The following ZFP28 variants were observed in gnomAD, a reference collection of about 807,000 sequenced individuals.
ZFP28 encodes ZFP28 zinc finger protein, also known as zinc finger protein 28 homolog.
In ZFP28, 31 loss-of-function variants were observed where a neutral mutation model predicts 39.5. That is an observed-to-expected ratio of 0.79 (90% CI 0.59 to 1.06). The LOEUF is 1.06. Ranked by LOEUF, ZFP28 falls within the 50% of genes least tolerant of loss-of-function variation. The probability of loss-of-function intolerance (pLI) is 0.00; values close to 1 mark genes in which losing one functional copy is unlikely to be tolerated. For missense variants in ZFP28, 925 were observed against 1,048.4 expected (o/e 0.88, Z 1.63); for synonymous variants, 400 against 378.6 (o/e 1.06, Z -0.66).
chr19:56,546,503 A>G (rs1285140894), intron 2 of ZFP28: 1 of 152,212 alleles, frequency 6.6e-6, no homozygotes, highest in East Asian at 1.9e-4. Context: ...ATAGCTCCTC[A>G]TAATGCCTAG....
chr19:56,555,342 G>C lies in ZFP28; in HGVS notation c.2557G>C (p.Asp853His), dbSNP rs1055233343. The C allele has an allele frequency of 6.2e-7, 1 of 1,613,246 alleles. No individual in the cohort carries two copies. Among genetic ancestry groups the C allele is most frequent in the Admixed American group, 1.7e-5 (1 of 59,872 alleles). ...PSLPSTSNPV[D>H]LFPKFLWNPS... ...TTTACCTTCCACGTCAAATCCTGTG[G>C]ATCTGTTTCCCAAATTTCTCTGGAA... The change falls in exon 8 of 8, where the codon GAT becomes CAT. Residue 853 changes from aspartate to histidine, a missense_variant. Asp to His is a moderately conservative substitution (Grantham distance 81). Coordinates refer to ENST00000301318, the MANE Select transcript of ZFP28 (RefSeq NM_020828.2).
rs2044328048 is a variant in ZFP28, at chr19:56,554,062, A to G, written c.1277A>G (p.Lys426Arg). Residue 426 changes from lysine (K) to arginine (R), a missense_variant, in exon 8 of 8, where the codon AAG becomes AGG. By Grantham distance (26) the Lys-to-Arg change is conservative. Coordinates refer to ENST00000301318, the MANE Select transcript of ZFP28 (RefSeq NM_020828.2). The surrounding 1 kb of genome is among the most constrained non-coding windows in gnomAD (Gnocchi z 6.7). ...AAGCTTTTCAAGTGTAATGAATGTAAGAAAACTTTTACCCAGAGCTCATCT... is the reference window on the plus strand; with the variant it reads ...AAGCTTTTCAAGTGTAATGAATGTAGGAAAACTTTTACCCAGAGCTCATCT... The part of the protein sequence containing the change: ...GKKLFKCNEC[K>R]KTFTQSSSLT... 1 of 1,614,118 alleles carries G rather than the reference A, an allele frequency of 6.2e-7. No homozygotes were observed. Among genetic ancestry groups the G allele is most frequent in the Non-Finnish European group, 8.5e-7 (1 of 1,180,048 alleles).
At chr19:56,551,472 C>T (rs2044302428) in intron 7 of ZFP28, 1 of 985,074 alleles carries the variant, frequency 1.0e-6, no homozygotes, top group Non-Finnish European at 1.2e-6. Flanking sequence ...GTTGTATATA[C>T]CATTGCTCAC....
At position 56,547,191 on chromosome 19, in the gene ZFP28, T is replaced by C. The variant is rs1225852864; in HGVS notation, c.301-317T>C. The C allele has an allele frequency of 7.3e-6, 2 of 273,078 alleles. No homozygotes were observed. The highest frequency in any genetic ancestry group is 8.2e-5 in the East Asian group (1 of 12,192). The allele number at this position is 273,078 out of a possible 1,614,324, so 16.9% of individuals were successfully genotyped here. A position where few individuals can be genotyped will look rare whatever the true frequency, so the allele number is the denominator to read the frequency against. The stretch of plus-strand genomic sequence containing the variant: ...GGTTTGGTTTCACCTGAGGCCTCTC[T>C]CCTTGGCTTGCAGACGGCCGTCTTC... On this transcript the variant is annotated intron_variant, in intron 2 of 7. Coordinates refer to ENST00000301318, the MANE Select transcript of ZFP28 (RefSeq NM_020828.2). This position sits in a 1 kb window ranked among gnomAD's most constrained non-coding sequence, Gnocchi z 4.6.
intron 7 of ZFP28, among the ~76,000 whole-genome samples, chr19:56,553,397 G>C (rs985848160): frequency 6.6e-6 from 1 of 151,942 alleles, no homozygotes; most frequent in African/African-American, 2.4e-5. Context: ...ATTTTAAAAA[G>C]TTTTTTAGAG....
chr19:56,543,163 T>G (rs1041834859), intron 2 of ZFP28, among the ~76,000 whole-genome samples: 7 of 151,972 alleles, frequency 4.6e-5, no homozygotes, highest in Admixed American at 1.3e-4. Context: ...GAATTGAATT[T>G]AAACAAATCT....
At position 56,547,875 on chromosome 19, in the gene ZFP28, C is replaced by G. The variant is rs893937980; in HGVS notation, c.496C>G (p.Arg166Gly). ...EQGKEPWTVK[R>G]KMTRAWCPDL... ...AGGAAAAGAGCCTTGGACAGTGAAG[C>G]GAAAGATGACAAGAGCCTGGTGCCC... Residue 166 changes from arginine to glycine, a missense_variant, in exon 4 of 8, where the codon CGA becomes GGA. Transcript: ENST00000301318. This position sits in a 1 kb window ranked among gnomAD's most constrained non-coding sequence, Gnocchi z 4.6. The G allele has an allele frequency of 6.2e-7, 1 of 1,614,094 alleles. No individual in the cohort carries two copies. Among genetic ancestry groups the G allele is most frequent in the Admixed American group, 1.7e-5 (1 of 60,022 alleles).
chr19:56,544,977 G>T (rs931804800), intron 2 of ZFP28, among the ~76,000 whole-genome samples: 1 of 152,208 alleles, frequency 6.6e-6, no homozygotes, highest in African/African-American at 2.4e-5. Context: ...TGCATAGCAT[G>T]ATCAACCTGG....
At chr19:56,551,028 A>G (rs1389298902) in intron 7 of ZFP28, 8 of 1,225,792 alleles carry the variant, frequency 6.5e-6, no homozygotes, top group Non-Finnish European at 8.2e-6. Context: ...CGATTGGAAA[A>G]AGGGAGAATT....
At chr19:56,551,429 G>A in intron 7 of ZFP28, 1 of 985,554 alleles carries the variant, frequency 1.0e-6, no homozygotes, top group Non-Finnish European at 1.2e-6. Flanking sequence ...TGTATATTCA[G>A]TTACGCATAC....
intron 2 of ZFP28, among the ~76,000 whole-genome samples, chr19:56,543,496 C>G (rs2044214141): frequency 6.6e-6 from 1 of 151,892 alleles, no homozygotes; most frequent in East Asian, 1.9e-4. Flanking sequence ...CCTCAAACTC[C>G]TGGGCTCAAG....
At chr19:56,549,792 G>A (rs112521179) in intron 5 of ZFP28, among the ~76,000 whole-genome samples, 204 of 152,236 alleles carry the variant, frequency 1.3e-3, no homozygotes, top group African/African-American at 4.6e-3. Flanking sequence ...AAAGCCTTCC[G>A]TCTGTTAAAA....
Position 56,553,813 on chromosome 19 carries a change from A to G in ZFP28, c.1028A>G (p.Tyr343Cys), listed in dbSNP as rs200899013. The change falls in exon 8 of 8, where the codon TAT (tyrosine) becomes TGT (cysteine). Residue 343 changes from tyrosine to cysteine, a missense_variant. Tyr to Cys is a radical substitution (Grantham distance 194). Around this residue, in one of 2 missense-constraint regions of ZFP28, gnomAD observed 556 missense variants for 542.9 expected, o/e 1.02. Coordinates refer to ENST00000301318, the MANE Select transcript of ZFP28 (RefSeq NM_020828.2). ...TTCAGAGAAAATTGGGATTCTGACT[A>G]TGTGTTTGGAAGGAAGCTTGCAGTA... ...SSFRENWDSD[Y>C]VFGRKLAVGQ... is the part of the protein sequence containing the mutation. 1.2e-6 allele frequency: 2 copies of G among 1,614,138 alleles called. No individual in the cohort carries two copies. Among genetic ancestry groups the G allele is most frequent in the Non-Finnish European group, 1.7e-6 (2 of 1,180,012 alleles).
In ZFP28 at chr19:56,540,067, G is replaced by C. The variant is rs537524736; in HGVS notation, c.300+351G>C. 2.6e-5 allele frequency among the ~76,000 whole-genome samples: 4 copies of C among 152,320 alleles called. No homozygotes were observed. The South Asian group carries it at 8.3e-4, about 32-fold the overall frequency. ...TTTGTTTGGTGACCACTTTGTGCCA[G>C]CCACTGAGCAAACCAATAGCTAAGC... On this transcript the variant is annotated intron_variant, in intron 2 of 7. Coordinates refer to ENST00000301318, the MANE Select transcript of ZFP28 (RefSeq NM_020828.2).
At position 56,556,194 on chromosome 19, in the gene ZFP28, G is replaced by A. The variant is rs2044350009; in HGVS notation, c.*802G>A. Reference sequence around the variant, plus strand: ...GAATTTAAAAAAATTTTAAAGGGTTGAAAAAAGTGAAAAGAATATTTTCAA... The same window carrying A: ...GAATTTAAAAAAATTTTAAAGGGTTAAAAAAAGTGAAAAGAATATTTTCAA... On this transcript the variant is annotated 3_prime_UTR_variant, in exon 8 of 8. Transcript: ENST00000301318. The A allele has an allele frequency of 6.6e-6, 1 of 152,088 alleles. No homozygotes were observed. The highest frequency in any genetic ancestry group is 1.5e-5 in the Non-Finnish European group (1 of 68,008). The allele number at this position is 152,088 out of a possible 1,614,324, so 9.4% of individuals were successfully genotyped here. A position where few individuals can be genotyped will look rare whatever the true frequency, so the allele number is the denominator to read the frequency against.
intron 2 of ZFP28, among the ~76,000 whole-genome samples, chr19:56,541,909 T>A (rs1319537059): frequency 6.9e-5 from 6 of 87,476 alleles, no homozygotes; most frequent in South Asian, 4.2e-4. Flanking sequence ...TTTTTTTTTT[T>A]AGAGACAGGG....
In ZFP28 at chr19:56,554,348, TC is replaced by T; in HGVS notation, c.1564del (p.Gln522AsnfsTer87). 1 of 1,614,180 alleles carries T rather than the reference TC, an allele frequency of 6.2e-7. No homozygotes were observed. Among genetic ancestry groups the T allele is most frequent in the Non-Finnish European group, 8.5e-7 (1 of 1,180,032 alleles). ...CCTTCAGTGACCACATAGGGCTTAA[TC>T]AACACAGGAGAATTCATACTGGAGA... is the stretch of plus-strand genomic sequence containing the variant. ...KAFSDHIGLN[Q>X]HRRIHTGEKP... On this transcript the variant is annotated frameshift_variant, in exon 8 of 8. Coordinates refer to ENST00000301318, the MANE Select transcript of ZFP28 (RefSeq NM_020828.2). LOFTEE classifies it low-confidence loss of function (END_TRUNC). This position sits in a 1 kb window ranked among gnomAD's most constrained non-coding sequence, Gnocchi z 6.7.
rs778077567 is a variant in ZFP28, at chr19:56,548,998, G to A, written c.564G>A (p.Lys188=). The part of the protein sequence containing the change: ...AVWKIKELPL[K]KDFCEGKLSQ... ...GGAAGATCAAGGAGTTACCTCTCAA[G>A]AAGGACTTCTGCGAAGGAAAGCTAT... Residue 188 remains lysine (K), a synonymous_variant, in exon 5 of 8, where the codon AAG becomes AAA. Coordinates refer to ENST00000301318, the MANE Select transcript of ZFP28 (RefSeq NM_020828.2). 1 of 1,614,074 alleles carries A rather than the reference G, an allele frequency of 6.2e-7. No individual in the cohort carries two copies. Among genetic ancestry groups the A allele is most frequent in the East Asian group, 2.2e-5 (1 of 44,860 alleles).
rs2044339533 is a variant in ZFP28, at chr19:56,555,197, G to C, written c.2412G>C (p.Lys804Asn). The C allele has an allele frequency of 6.2e-7, 1 of 1,614,174 alleles. No individual in the cohort carries two copies. ...AAATTGGACACCTTAATCAACATAAGAGAGTTCATACTGGAGAGAGATCTT... is the reference window on the plus strand; with the variant it reads ...AAATTGGACACCTTAATCAACATAACAGAGTTCATACTGGAGAGAGATCTT... ...FIQIGHLNQH[K>N]RVHTGERSYN... Residue 804 changes from lysine (K) to asparagine (N), a missense_variant, in exon 8 of 8, where the codon AAG (lysine) becomes AAC (asparagine). Lys to Asn is a moderately conservative substitution (Grantham distance 94). This residue lies in a region of ZFP28 where 369 missense variants were observed against 505.5 expected (regional missense o/e 0.73). Transcript: ENST00000301318.
Sources: gnomAD v4.1 joint callset for allele counts (sites outside exome capture counted in the v4.1 genomes callset) on GRCh38, gnomAD v4.1.1 for gene constraint, gnomAD v4.1.1 regional missense constraint, Gnocchi (gnomAD v3.1) non-coding constraint, MANE v1.5 for transcripts, NCBI Gene and HGNC (gene_info 2026-07-23, HGNC 2026-07-21) for gene names.